The following INPP4B variants were observed in gnomAD, a reference collection of about 807,000 sequenced individuals.
INPP4B encodes the protein inositol polyphosphate-4-phosphatase type II B, also known as inositol polyphosphate 4-phosphatase type II.
A neutral mutation model predicts 122.5 loss-of-function variants in INPP4B; 55 were observed. That is an observed-to-expected ratio of 0.45 (90% CI 0.36 to 0.56). The LOEUF (loss-of-function observed/expected upper bound fraction) is 0.56. Among genes scored for constraint, INPP4B ranks in the 20% least tolerant of loss-of-function variants. The pLI, the probability that INPP4B is intolerant of heterozygous loss-of-function variation, is 0.00. For synonymous variants in INPP4B, 403 were observed against 388.7 expected, an observed-to-expected ratio of 1.04 and a Z score of -0.43; for missense variants, 1,000 against 1,097.7, an observed-to-expected ratio of 0.91 and a Z score of 1.26.
At chr4:142,212,708 GCTCCC>G (rs1845427776) in intron 12 of INPP4B, among the ~76,000 whole-genome samples, 1 of 152,098 alleles carries the variant, frequency 6.6e-6, no homozygotes, top group East Asian at 1.9e-4. Flanking sequence ...GAACAGCACT[GCTCCC>G]CTGACTCCAC....
intron 25 of INPP4B, among the ~76,000 whole-genome samples, chr4:142,038,242 G>C (rs1390404324): frequency 6.6e-6 from 1 of 152,170 alleles, no homozygotes; most frequent in Admixed American, 6.5e-5. Flanking sequence ...TATCATGAGT[G>C]AGATAATTCC....
intron 2 of INPP4B, chr4:142,474,432 T>A (rs1416277401): frequency 6.6e-6 from 1 of 151,160 alleles, no homozygotes; most frequent in African/African-American, 2.4e-5. Context: ...AGGCACAGCC[T>A]CCTGTTGTCC....
At chr4:142,156,775 T>C (rs1817458037) in intron 17 of INPP4B, among the ~76,000 whole-genome samples, 1 of 152,064 alleles carries the variant, frequency 6.6e-6, no homozygotes, top group Non-Finnish European at 1.5e-5. Flanking sequence ...GTGAGCAGGA[T>C]TCTCTTTTTT....
intron 7 of INPP4B, among the ~76,000 whole-genome samples, chr4:142,396,293 A>T (rs941433185): frequency 6.6e-6 from 1 of 152,158 alleles, no homozygotes; most frequent in Non-Finnish European, 1.5e-5. Context: ...TTTAATAAAT[A>T]GGCAAAAGAC....
intron 18 of INPP4B, among the ~76,000 whole-genome samples, chr4:142,133,317 T>C (rs1017812665): frequency 2.0e-5 from 3 of 152,224 alleles, no homozygotes; most frequent in Non-Finnish European, 2.9e-5. Context: ...TCTATTCTTA[T>C]ATGTAACTGC....
At chr4:142,616,285 G>C (rs922155863) in intron 2 of INPP4B, among the ~76,000 whole-genome samples, 1 of 152,106 alleles carries the variant, frequency 6.6e-6, no homozygotes. Context: ...GATTCCTAGA[G>C]AGGGAGTCTT....
chr4:142,796,633 G>A (rs929526747), intron 1 of INPP4B, among the ~76,000 whole-genome samples: 1 of 150,780 alleles, frequency 6.6e-6, no homozygotes, highest in Admixed American at 6.6e-5. Flanking sequence ...TTTATATTCT[G>A]GCACAAAAAA....
chr4:142,738,723 T>G (rs1452668951), intron 1 of INPP4B, among the ~76,000 whole-genome samples: 4 of 152,104 alleles, frequency 2.6e-5, no homozygotes, highest in Admixed American at 2.6e-4. Flanking sequence ...ACAAATGCCA[T>G]CAGTTGGAAA....
chr4:142,577,149 AT>A (rs1412548571), intron 2 of INPP4B, among the ~76,000 whole-genome samples: 1 of 152,054 alleles, frequency 6.6e-6, no homozygotes, highest in East Asian at 1.9e-4. Context: ...CTATATGTAC[AT>A]TTTTTGTGTT....
intron 12 of INPP4B, among the ~76,000 whole-genome samples, chr4:142,210,276 T>C (rs1156887065): frequency 6.6e-6 from 1 of 152,150 alleles, no homozygotes; most frequent in Non-Finnish European, 1.5e-5. Context: ...TTTCAAATGG[T>C]TGTAGCTGTC....
intron 2 of INPP4B, among the ~76,000 whole-genome samples, chr4:142,590,806 G>A (rs957727909): frequency 2.0e-5 from 3 of 148,886 alleles, no homozygotes; most frequent in African/African-American, 7.5e-5. Context: ...ATGAAACAGG[G>A]TCTAGTTGCA....
intron 2 of INPP4B, among the ~76,000 whole-genome samples, chr4:142,622,530 A>G (rs1256064085): frequency 6.6e-6 from 1 of 151,956 alleles, no homozygotes; most frequent in Non-Finnish European, 1.5e-5. Context: ...GAATAGCCTT[A>G]ATGCAAGAAG....
chr4:142,079,422 C>G (rs1416989275), intron 25 of INPP4B, among the ~76,000 whole-genome samples: 1 of 152,006 alleles, frequency 6.6e-6, no homozygotes, highest in Non-Finnish European at 1.5e-5. Flanking sequence ...GAGTGAGGAG[C>G]TGGGAAAATC....
At chr4:142,723,600 A>G (rs1465103284) in intron 2 of INPP4B, among the ~76,000 whole-genome samples, 1 of 152,132 alleles carries the variant, frequency 6.6e-6, no homozygotes, top group Admixed American at 6.5e-5. Context: ...AGGTATCTGC[A>G]CACATAAAAG....
intron 2 of INPP4B, among the ~76,000 whole-genome samples, chr4:142,494,703 T>C (rs1250109683): frequency 1.3e-5 from 2 of 152,214 alleles, no homozygotes; most frequent in Non-Finnish European, 2.9e-5. Flanking sequence ...CTAGGTAATA[T>C]GCATTTTTCC....
intron 23 of INPP4B, among the ~76,000 whole-genome samples, chr4:142,098,288 T>C (rs1782890610): frequency 6.6e-6 from 1 of 152,040 alleles, no homozygotes; most frequent in Non-Finnish European, 1.5e-5. Context: ...AGGGGTTGAC[T>C]GTATGGTGCC....
At chr4:142,549,059 C>T (rs35075297) in intron 2 of INPP4B, among the ~76,000 whole-genome samples, 1,681 of 152,206 alleles carry the variant, frequency 0.011, 12 homozygotes, top group Non-Finnish European at 0.018. Context: ...GGGACACTAA[C>T]ATCAAGAGAA....
intron 7 of INPP4B, 77 bp from the exon 8 acceptor site, chr4:142,314,839 A>G: frequency 8.6e-7 from 1 of 1,169,246 alleles, no homozygotes; most frequent in South Asian, 1.5e-5. Flanking sequence ...CTGGGTTTCA[A>G]TTTCCTTCAT....
intron 25 of INPP4B, among the ~76,000 whole-genome samples, chr4:142,081,529 T>C (rs1481391226): frequency 6.6e-6 from 1 of 152,096 alleles, no homozygotes; most frequent in Non-Finnish European, 1.5e-5. Flanking sequence ...TGAAAATAAC[T>C]TTAGAAAGGA....
Sources: allele counts gnomAD v4.1 joint callset (sites outside exome capture counted in the v4.1 genomes callset), GRCh38; gene constraint gnomAD v4.1.1; transcripts MANE v1.5; gene names NCBI Gene and HGNC (gene_info 2026-07-23, HGNC 2026-07-21).